CNKSR2: variants seen among roughly 807,000 people sequenced by gnomAD.
CNKSR2 encodes connector enhancer of kinase suppressor of Ras 2.
A neutral mutation model predicts 84.4 loss-of-function variants in CNKSR2; 14 were observed. That is an observed-to-expected ratio of 0.17 (90% CI 0.11 to 0.26). The LOEUF is 0.26. CNKSR2 is among the 10% of genes least tolerant of loss of function. The probability of loss-of-function intolerance (pLI) is 1.00; values close to 1 mark genes in which losing one functional copy is unlikely to be tolerated. For missense variants in CNKSR2, 485 were observed against 771.2 expected (o/e 0.63, Z 4.40); for synonymous variants, 275 against 277.9 (o/e 0.99, Z 0.10).
intron 4 of CNKSR2, among the ~76,000 whole-genome samples, chrX:21,462,725 T>C (rs1306804533): frequency 9.3e-6 from 1 of 107,579 alleles, no homozygotes; most frequent in Non-Finnish European, 1.9e-5. Context: ...TTTTTTTTTT[T>C]TTTTTTGAGA....
At chrX:21,646,037 T>G (rs977470643) in intron 20 of CNKSR2, 14 of 111,608 alleles carry the variant, frequency 1.3e-4, no homozygotes, top group African/African-American at 4.2e-4. Context: ...CTTAAAATGT[T>G]AAGTAATTGG....
At chrX:21,581,716 G>T (rs1034032056) in intron 13 of CNKSR2, among the ~76,000 whole-genome samples, 1 of 112,187 alleles carries the variant, frequency 8.9e-6, no homozygotes, top group African/African-American at 3.2e-5. Flanking sequence ...CATAGGTGGT[G>T]AGTAACTATT....
At chrX:21,575,674 C>T (rs936290398) in intron 13 of CNKSR2, among the ~76,000 whole-genome samples, 28 of 111,563 alleles carry the variant, frequency 2.5e-4, no homozygotes, top group African/African-American at 9.1e-4. Flanking sequence ...TACTTGCCTC[C>T]TGTATTACCT....
chrX:21,404,219 A>G (rs1245950168), intron 1 of CNKSR2, among the ~76,000 whole-genome samples: 1 of 111,649 alleles, frequency 9.0e-6, no homozygotes, highest in African/African-American at 3.3e-5. Context: ...CTTAAGGAGT[A>G]AAGCAGGAGA....
chrX:21,423,784 G>C (rs1312159080), intron 1 of CNKSR2: 4 of 111,529 alleles, frequency 3.6e-5, no homozygotes, highest in African/African-American at 1.3e-4. Context: ...AATTCATCAA[G>C]AGTATGCTAG....
intron 4 of CNKSR2, among the ~76,000 whole-genome samples, chrX:21,443,998 G>A (rs1016908181): frequency 2.7e-5 from 3 of 111,040 alleles, no homozygotes; most frequent in Non-Finnish European, 5.7e-5. Context: ...ATATAAATGA[G>A]CATATTGAGT....
intron 13 of CNKSR2, among the ~76,000 whole-genome samples, chrX:21,567,532 G>C: frequency 9.0e-6 from 1 of 111,488 alleles, no homozygotes; most frequent in South Asian, 3.8e-4. Flanking sequence ...AGGATTAGCT[G>C]CCTTACATCC....
intron 11 of CNKSR2, among the ~76,000 whole-genome samples, chrX:21,542,915 G>A (rs1326931229): frequency 2.7e-5 from 3 of 112,348 alleles, no homozygotes; most frequent in Non-Finnish European, 5.6e-5. Context: ...CCTCATAAAT[G>A]TTACTTGTAC....
intron 8 of CNKSR2, among the ~76,000 whole-genome samples, chrX:21,509,136 C>G (rs1365469678): frequency 8.9e-6 from 1 of 111,960 alleles, no homozygotes; most frequent in Non-Finnish European, 1.9e-5. Flanking sequence ...ATATTCATAA[C>G]TGTGAAATTC....
At chrX:21,470,742 A>G in intron 4 of CNKSR2, 24 bp from the exon 5 acceptor site, 1 of 815,592 alleles carries the variant, frequency 1.2e-6, no homozygotes, top group Non-Finnish European at 1.7e-6. Context: ...TTTGAATCTA[A>G]TGTATATGGT....
intron 17 of CNKSR2, among the ~76,000 whole-genome samples, chrX:21,601,048 T>G (rs770374373): frequency 8.9e-6 from 1 of 112,125 alleles, no homozygotes; most frequent in East Asian, 2.8e-4. Flanking sequence ...TTACAGATAT[T>G]AACAGCTTTG....
intron 20 of CNKSR2, among the ~76,000 whole-genome samples, chrX:21,638,875 T>G (rs1482870574): frequency 1.8e-5 from 2 of 111,529 alleles, no homozygotes; most frequent in African/African-American, 6.5e-5. Flanking sequence ...AGAGATGGGG[T>G]CTCACTATGT....
intron 20 of CNKSR2, chrX:21,645,278 T>C (rs1406181979): frequency 8.9e-6 from 1 of 111,863 alleles, no homozygotes; most frequent in Non-Finnish European, 1.9e-5. Context: ...CTCAAATCCA[T>C]CAATCAATGA....
At chrX:21,476,754 G>A (rs1356397951) in intron 5 of CNKSR2, among the ~76,000 whole-genome samples, 1 of 111,374 alleles carries the variant, frequency 9.0e-6, no homozygotes, top group Non-Finnish European at 1.9e-5. Flanking sequence ...AGGACAAAAG[G>A]CAATACAGAT....
intron 8 of CNKSR2, among the ~76,000 whole-genome samples, chrX:21,507,338 AT>A (rs1484127602): frequency 1.8e-5 from 2 of 110,836 alleles, no homozygotes; most frequent in Non-Finnish European, 3.8e-5. Context: ...TATTATCCTA[AT>A]AGTGGACAAT....
At chrX:21,389,461 T>TA (rs1164203515) in intron 1 of CNKSR2, among the ~76,000 whole-genome samples, 1 of 111,474 alleles carries the variant, frequency 9.0e-6, no homozygotes, top group Non-Finnish European at 1.9e-5. Flanking sequence ...CTGAAATTTT[T>TA]AAAAAGTTGT....
At chrX:21,626,220 A>T (rs1259052960) in intron 20 of CNKSR2, among the ~76,000 whole-genome samples, 33 of 104,172 alleles carry the variant, frequency 3.2e-4, no homozygotes, top group African/African-American at 1.1e-3. Context: ...GGAGAAAAAG[A>T]AAAGGAGGGT....
chrX:21,448,032 GA>G (rs1049390924), intron 4 of CNKSR2, among the ~76,000 whole-genome samples: 4 of 111,083 alleles, frequency 3.6e-5, no homozygotes, highest in Non-Finnish European at 7.6e-5. Context: ...TATGAGGTGG[GA>G]AAAAATGCAT....
intron 12 of CNKSR2, 135 bp from the exon 13 acceptor site, chrX:21,563,103 T>G: frequency 2.2e-6 from 1 of 461,266 alleles, no homozygotes; most frequent in East Asian, 3.8e-5. Context: ...CAAAAGTAAT[T>G]GCGGTTCTTG....
Sources: gnomAD v4.1 joint callset for allele counts (sites outside exome capture counted in the v4.1 genomes callset) on GRCh38, gnomAD v4.1.1 for gene constraint, MANE v1.5 for transcripts, NCBI Gene and HGNC (gene_info 2026-07-23, HGNC 2026-07-21) for gene names.